The following RHOU variants were observed in gnomAD, a reference collection of about 807,000 sequenced individuals.
The protein encoded by RHOU is ras homolog family member U.
In RHOU, 8 loss-of-function variants were observed where a neutral mutation model predicts 12.6. The observed-to-expected ratio is 0.64, with a 90% CI of 0.37 to 1.15. The LOEUF (loss-of-function observed/expected upper bound fraction) is 1.15, where lower values mean the gene tolerates loss of function less well. Ranked by LOEUF, RHOU falls within the 50% of genes most tolerant of loss-of-function variation. The pLI is 0.01. For synonymous variants in RHOU, 161 were observed against 147.4 expected (o/e 1.09, Z -0.67); for missense variants, 258 against 347.0 (o/e 0.74, Z 2.04).
upstream of RHOU, among the ~76,000 whole-genome samples, chr1:228,733,836 A>C (rs1662541716): frequency 6.6e-6 from 1 of 152,216 alleles, no homozygotes; most frequent in Non-Finnish European, 1.5e-5. Context: ...AACCACATAA[A>C]TATATCCTGT....
chr1:228,667,272 A>C, the RHOU span, among the ~76,000 whole-genome samples: 5 of 152,360 alleles, frequency 3.3e-5, no homozygotes, highest in Middle Eastern at 3.4e-3. Flanking sequence ...AGACATAAAA[A>C]TAAATCAATA....
At chr1:228,654,879 T>C in the RHOU span, among the ~76,000 whole-genome samples, 1 of 152,162 alleles carries the variant, frequency 6.6e-6, no homozygotes, top group Non-Finnish European at 1.5e-5. Flanking sequence ...TTTGGTTAAA[T>C]AAGAAAATGC....
intron 2 of RHOU, among the ~76,000 whole-genome samples, chr1:228,742,453 AG>A (rs1159541503): frequency 6.6e-6 from 1 of 152,140 alleles, no homozygotes; most frequent in Non-Finnish European, 1.5e-5. Flanking sequence ...CTATACTTTA[AG>A]GGTAGGGTGG....
At chr1:228,655,545 T>C in the RHOU span, among the ~76,000 whole-genome samples, 2 of 152,230 alleles carry the variant, frequency 1.3e-5, no homozygotes, top group Non-Finnish European at 2.9e-5. Context: ...AAATTGGGCT[T>C]AACAATGGAC....
At chr1:228,678,605 CCT>C in the RHOU span, among the ~76,000 whole-genome samples, 1 of 152,074 alleles carries the variant, frequency 6.6e-6, no homozygotes, top group Admixed American at 6.5e-5. Flanking sequence ...AGTGAGGAAA[CCT>C]CTTTCAGCCC....
chr1:228,703,239 T>A, the RHOU span, among the ~76,000 whole-genome samples: 6 of 152,072 alleles, frequency 3.9e-5, no homozygotes, highest in African/African-American at 1.2e-4. Context: ...TATAAAAGTG[T>A]TTTGGGGCCA....
chr1:228,687,318 ATTTC>A, the RHOU span: 507 of 679,004 alleles, frequency 7.5e-4, 1 homozygote, highest in Non-Finnish European at 1.1e-3. Context: ...TGGTTACCAA[ATTTC>A]TTTATTTGAA....
the RHOU span, among the ~76,000 whole-genome samples, chr1:228,725,587 G>A: frequency 5.3e-5 from 8 of 152,190 alleles, no homozygotes; most frequent in Admixed American, 1.3e-4. Context: ...GCTGAGCACC[G>A]TGGGCAGAAC....
At chr1:228,665,594 T>C in the RHOU span, among the ~76,000 whole-genome samples, 646 of 152,246 alleles carry the variant, frequency 4.2e-3, 2 homozygotes, top group Non-Finnish European at 6.2e-3. Context: ...AATATATCTT[T>C]GAGTAGAGTG....
the RHOU span, among the ~76,000 whole-genome samples, chr1:228,686,133 T>C: frequency 6.6e-6 from 1 of 152,184 alleles, no homozygotes; most frequent in Non-Finnish European, 1.5e-5. Context: ...TTAGTTATAA[T>C]TTTGCTACTT....
At chr1:228,659,981 A>AC in the RHOU span, among the ~76,000 whole-genome samples, 1 of 148,978 alleles carries the variant, frequency 6.7e-6, no homozygotes, top group African/African-American at 2.5e-5. Context: ...AAAAAAAAAA[A>AC]CAAGAAAGAA....
the RHOU span, among the ~76,000 whole-genome samples, chr1:228,684,834 C>A: frequency 6.6e-6 from 1 of 152,062 alleles, no homozygotes; most frequent in South Asian, 2.1e-4. Flanking sequence ...AGGAAACGGT[C>A]CCGATAATAG....
At chr1:228,693,698 C>G in the RHOU span, among the ~76,000 whole-genome samples, 6 of 152,152 alleles carry the variant, frequency 3.9e-5, no homozygotes, top group Admixed American at 3.3e-4. Flanking sequence ...CAACTCCTGA[C>G]CTCATGATCG....
chr1:228,743,466 A>G lies in RHOU; in HGVS notation c.503A>G (p.Asp168Gly), dbSNP rs1202399722. The G allele has an allele frequency of 1.2e-6, 2 of 1,614,184 alleles. No homozygotes were observed. The highest frequency in any genetic ancestry group is 1.7e-5 in the Admixed American group (1 of 60,018). ...LVGTQSDLRE[D>G]VKVLIELDKC... ...GGAACGCAGTCGGATCTCAGAGAAG[A>G]TGTCAAAGTCCTCATTGAGTTGGAC... is the stretch of plus-strand genomic sequence containing the variant. The change falls in exon 3 of 3, where the codon GAT (aspartate) becomes GGT (glycine). Residue 168 changes from aspartate (D) to glycine (G), a missense_variant. By Grantham distance (94) the Asp-to-Gly change is moderately conservative. Transcript: ENST00000366691. This position sits in a 1 kb window ranked among gnomAD's most constrained non-coding sequence, Gnocchi z 5.1.
chr1:228,673,447 GT>G, the RHOU span, among the ~76,000 whole-genome samples: 1 of 152,136 alleles, frequency 6.6e-6, no homozygotes, highest in Non-Finnish European at 1.5e-5. Context: ...GTGTGATATG[GT>G]TTGAATTGGT....
chr1:228,669,400 T>G, the RHOU span, among the ~76,000 whole-genome samples: 1 of 152,210 alleles, frequency 6.6e-6, no homozygotes, highest in Non-Finnish European at 1.5e-5. Context: ...TGGTTCATGT[T>G]TCTTGCATTA....
chr1:228,695,864 T>A, the RHOU span, among the ~76,000 whole-genome samples: 1 of 152,176 alleles, frequency 6.6e-6, no homozygotes, highest in East Asian at 1.9e-4. Context: ...CCCTCTTCCC[T>A]CCCTGGAGAT....
chr1:228,662,752 G>A, the RHOU span, among the ~76,000 whole-genome samples: 1 of 151,522 alleles, frequency 6.6e-6, no homozygotes, highest in Non-Finnish European at 1.5e-5. Context: ...AATGGATGCA[G>A]CAAACCAACA....
At chr1:228,690,590 G>A in the RHOU span, among the ~76,000 whole-genome samples, 1 of 151,192 alleles carries the variant, frequency 6.6e-6, no homozygotes, top group Non-Finnish European at 1.5e-5. Flanking sequence ...CCAAAGTGCT[G>A]GGATTACAGG....
Sources: gnomAD v4.1 joint callset for allele counts (sites outside exome capture counted in the v4.1 genomes callset) on GRCh38, gnomAD v4.1.1 for gene constraint, Gnocchi (gnomAD v3.1) non-coding constraint, MANE v1.5 for transcripts, NCBI Gene and HGNC (gene_info 2026-07-23, HGNC 2026-07-21) for gene names.